PSMD2: variants seen among roughly 807,000 people sequenced by gnomAD.
The protein encoded by PSMD2 is proteasome 26S subunit ubiquitin receptor, non-ATPase 2, also known as 26S proteasome non-ATPase regulatory subunit 2.
A neutral mutation model predicts 101.5 loss-of-function variants in PSMD2; 8 were observed. That is an observed-to-expected ratio of 0.08 (90% confidence interval 0.05 to 0.14). The LOEUF is 0.14. PSMD2 is among the 10% of genes least tolerant of loss of function. The pLI, the probability that PSMD2 is intolerant of heterozygous loss-of-function variation, is 1.00. For missense variants in PSMD2, 784 were observed against 1,147.4 expected (o/e 0.68, Z 4.58); for synonymous variants, 418 against 433.8 (o/e 0.96, Z 0.45).
rs1161714285 is a variant in PSMD2, at chr3:184,299,292, C to T, written c.26C>T (p.Ala9Val). The change falls in exon 1 of 21, where the codon GCG becomes GTG. Residue 9 changes from alanine (A) to valine (V), a missense_variant. Ala to Val is a moderately conservative substitution (Grantham distance 64). Transcript: ENST00000310118. ...ATGGAGGAGGGAGGCCGGGACAAGGCGCCGGTGCAGCCCCAGCAGTCTCCA... is the reference window on the plus strand; with the variant it reads ...ATGGAGGAGGGAGGCCGGGACAAGGTGCCGGTGCAGCCCCAGCAGTCTCCA... MEEGGRDK[A>V]PVQPQQSPAA... is the part of the protein sequence containing the mutation. The T allele has an allele frequency of 1.5e-6, 2 of 1,369,870 alleles. No homozygotes were observed. Among genetic ancestry groups the T allele is most frequent in the Non-Finnish European group, 1.9e-6 (2 of 1,062,990 alleles). The allele number at this position is 1,369,870 out of a possible 1,614,324, so 84.9% of individuals were successfully genotyped here.
intron 18 of PSMD2, 50 bp downstream of exon 18, chr3:184,307,758 G>T: frequency 6.2e-7 from 1 of 1,606,128 alleles, no homozygotes; most frequent in South Asian, 1.1e-5. Flanking sequence ...TATCTGTGGT[G>T]ATGGAAGGAG....
At chr3:184,300,622 G>A (rs1721609369) in intron 3 of PSMD2, 178 bp downstream of exon 3, 2 of 1,407,868 alleles carry the variant, frequency 1.4e-6, no homozygotes, top group African/African-American at 1.5e-5. Context: ...CAGCTTCTCA[G>A]AAGACACTGT....
intron 12 of PSMD2, among the ~76,000 whole-genome samples, chr3:184,305,446 G>A (rs983696496): frequency 6.8e-6 from 1 of 147,454 alleles, no homozygotes; most frequent in African/African-American, 2.5e-5. Flanking sequence ...CCAAAATCGC[G>A]ACACTGCACT....
chr3:184,305,390 G>C (rs896065518), intron 12 of PSMD2, among the ~76,000 whole-genome samples: 3 of 151,888 alleles, frequency 2.0e-5, no homozygotes, highest in African/African-American at 7.3e-5. Context: ...TTGGGAGGCT[G>C]AGGCAGGAGA....
At position 184,307,490 on chromosome 3, in the gene PSMD2, A is replaced by G. The variant is rs1577160848; in HGVS notation, c.2168A>G (p.Tyr723Cys). The change falls in exon 17 of 21, where the codon TAT becomes TGT. Residue 723 changes from tyrosine (Y) to cysteine (C), a missense_variant. By Grantham distance (194) the Tyr-to-Cys change is radical (BLOSUM62 -2). Transcript: ENST00000310118. ...FSHDADPEVS[Y>C]NSIFAMGMVG... Reference sequence around the variant, plus strand: ...CATGATGCTGATCCAGAAGTTTCCTATAACTCCATTTTTGCCATGGGCATG... The same window carrying G: ...CATGATGCTGATCCAGAAGTTTCCTGTAACTCCATTTTTGCCATGGGCATG... 1.2e-6 allele frequency: 2 copies of G among 1,614,214 alleles called. No individual in the cohort carries two copies. The highest frequency in any genetic ancestry group is 1.3e-5 in the African/African-American group (1 of 75,052).
chr3:184,303,129 G>T, intron 8 of PSMD2, 67 bp downstream of exon 8: 1 of 1,557,008 alleles, frequency 6.4e-7, no homozygotes, highest in South Asian at 1.1e-5. Context: ...TGGGAGTGAT[G>T]GCTTGGCCAA....
rs199883033 is a variant in PSMD2 at position 184,307,940 on chromosome 3, C to T, written c.2349C>T (p.Ser783=). 3.7e-6 allele frequency: 6 copies of T among 1,614,104 alleles called. No individual in the cohort carries two copies. Among genetic ancestry groups the T allele is most frequent in the African/African-American group, 2.7e-5 (2 of 75,026 alleles). Residue 783 remains serine (S), a synonymous_variant, in exon 19 of 21, where the codon AGC becomes AGT. Transcript: ENST00000310118. ...CCCTTACCCTCTGCCCCTACCACAG[C>T]GACCGGCAGCTTATGAGCCAGGTGG... ...KGTLTLCPYH[S]DRQLMSQVAV...
intron 3 of PSMD2, 190 bp downstream of exon 3, chr3:184,300,634 T>G (rs930622024): frequency 8.6e-5 from 120 of 1,401,550 alleles, no homozygotes; most frequent in Middle Eastern, 2.6e-4. Context: ...AGACACTGTT[T>G]CTGTCATGTG....
rs1387576766 is a variant in PSMD2, at chr3:184,304,373, T to G, written c.1521T>G (p.Asp507Glu). 6.2e-7 allele frequency: 1 copy of G among 1,614,206 alleles called. No individual in the cohort carries two copies. Among genetic ancestry groups the G allele is most frequent in the South Asian group, 1.1e-5 (1 of 91,090 alleles). The change falls in exon 12 of 21, where the codon GAT becomes GAG. Residue 507 changes from aspartate to glutamate, a missense_variant. By Grantham distance (45) the Asp-to-Glu change is conservative (BLOSUM62 2). Transcript: ENST00000310118. This position sits in a 1 kb window ranked among gnomAD's most constrained non-coding sequence, Gnocchi z 4.1. ...VLTLLLPVMG[D>E]SKSSMEVAGV... ...CACTGCTGCTGCCTGTGATGGGAGA[T>G]TCAAAGTCCAGCATGGAGGTGAGTA... is the stretch of plus-strand genomic sequence containing the variant.
At chr3:184,299,552 G>C in intron 1 of PSMD2, 151 bp downstream of exon 1, 2 of 1,098,426 alleles carry the variant, frequency 1.8e-6, no homozygotes, top group Non-Finnish European at 2.4e-6. Context: ...TTGCCTCTCT[G>C]CTCCTCATTC....
At position 184,301,582 on chromosome 3, in the gene PSMD2, G is replaced by T; in HGVS notation, c.403G>T (p.Gly135Trp). Reference protein sequence around the residue: ...IISVLAMTMSGERECLKYRLV... With the variant: ...IISVLAMTMSWERECLKYRLV... The stretch of plus-strand genomic sequence containing the variant: ...CTCCGTTTTGGCCATGACCATGAGT[G>T]GGGAGCGTGAGTGCCTCAAGTATCG... The change falls in exon 4 of 21, where the codon GGG becomes TGG. Residue 135 changes from glycine to tryptophan, a missense_variant. Gly to Trp is a radical substitution (Grantham distance 184). This residue lies in a region of PSMD2 where 196 missense variants were observed against 182.4 expected (regional missense o/e 1.07). Transcript: ENST00000310118. 1.2e-6 allele frequency: 2 copies of T among 1,614,062 alleles called. No homozygotes were observed. Among genetic ancestry groups the T allele is most frequent in the Non-Finnish European group, 8.5e-7 (1 of 1,179,964 alleles).
chr3:184,303,414 C>T lies in PSMD2; in HGVS notation c.1164C>T (p.Asp388=), dbSNP rs777452519. Residue 388 remains aspartate, a synonymous_variant, in exon 9 of 21, where the codon GAC becomes GAT. Coordinates refer to ENST00000310118, the MANE Select transcript of PSMD2 (RefSeq NM_002808.5). ...NGFVNAAFGQ[D]KLLTDDGNKW... ...TTGTGAATGCAGCTTTTGGCCAAGA[C>T]AAGCTGCTAACAGATGATGGCAACA... The T allele has an allele frequency of 2.5e-6, 4 of 1,614,072 alleles. No individual in the cohort carries two copies. The highest frequency in any genetic ancestry group is 1.7e-5 in the Admixed American group (1 of 60,000).
At chr3:184,307,849 A>G (rs1032372703) in intron 18 of PSMD2, 41 bp from the exon 19 acceptor site, 1 of 1,613,512 alleles carries the variant, frequency 6.2e-7, no homozygotes, top group African/African-American at 1.3e-5. Flanking sequence ...ATGTCTCCTC[A>G]GTGGTAACTC....
At position 184,308,104 on chromosome 3, in the gene PSMD2, A is replaced by G; in HGVS notation, c.2425+88A>G. On this transcript the variant is annotated intron_variant, in intron 19 of 20. Coordinates refer to ENST00000310118, the MANE Select transcript of PSMD2 (RefSeq NM_002808.5). The surrounding 1 kb of genome is among the most constrained non-coding windows in gnomAD (Gnocchi z 6.0). ...GCCACTTTGATAATTTAGGTTCAAG[A>G]CCCCAGTTTAGCTCTGTATCGCTCT... The G allele has an allele frequency of 6.5e-7, 1 of 1,531,962 alleles. No homozygotes were observed. The highest frequency in any genetic ancestry group is 8.8e-7 in the Non-Finnish European group (1 of 1,131,240). The allele number at this position is 1,531,962 out of a possible 1,614,324, so 94.9% of individuals were successfully genotyped here.
rs1481336662 is a variant in PSMD2, at chr3:184,307,718, A to G, written c.2298+10A>G. 2 of 1,613,290 alleles carry G rather than the reference A, an allele frequency of 1.2e-6. No homozygotes were observed. Among genetic ancestry groups the G allele is most frequent in the Non-Finnish European group, 1.7e-6 (2 of 1,179,316 alleles). On this transcript the variant is annotated intron_variant, in intron 18 of 20. Transcript: ENST00000310118. ...GGTGCGCTTGGCACAGGTAAAGAAT[A>G]GAACTCCTCCACAGAGCGTGCCGGG... is the stretch of plus-strand genomic sequence containing the variant.
chr3:184,300,306 A>G lies in PSMD2; in HGVS notation c.219A>G (p.Pro73=), dbSNP rs758477465. The change falls in exon 3 of 21, where the codon CCA becomes CCG. Residue 73 remains proline (P), a synonymous_variant. Coordinates refer to ENST00000310118, the MANE Select transcript of PSMD2 (RefSeq NM_002808.5). The part of the protein sequence containing the change: ...LGEKDTSLYR[P]ALEELRRQIR... ...AGAAGGATACATCCCTGTATCGACC[A>G]GCGCTGGAGGAATTGCGAAGGCAGA... 47 of 1,613,800 alleles carry G rather than the reference A, an allele frequency of 2.9e-5. No homozygotes were observed. The highest frequency in any genetic ancestry group is 3.8e-5 in the Non-Finnish European group (45 of 1,179,824).
chr3:184,303,035 A>G lies in PSMD2; in HGVS notation c.1042A>G (p.Ile348Val). The G allele has an allele frequency of 1.2e-6, 2 of 1,614,106 alleles. No homozygotes were observed. Among genetic ancestry groups the G allele is most frequent in the Non-Finnish European group, 1.7e-6 (2 of 1,180,012 alleles). ...CATGGAGCCCAAGGTGCCTGATGAC[A>G]TCTACAAAACCCACCTAGAGAACAA... ...DIMEPKVPDD[I>V]YKTHLENNRF... Residue 348 changes from isoleucine (I) to valine (V), a missense_variant, in exon 8 of 21, where the codon ATC (isoleucine) becomes GTC (valine). Around this residue, in one of 6 missense-constraint regions of PSMD2, gnomAD observed 208 missense variants for 301.6 expected, o/e 0.69. Coordinates refer to ENST00000310118, the MANE Select transcript of PSMD2 (RefSeq NM_002808.5).
At chr3:184,306,886 T>A (rs1403646498) in intron 16 of PSMD2, 52 bp downstream of exon 16, 1 of 1,444,936 alleles carries the variant, frequency 6.9e-7, no homozygotes, top group Non-Finnish European at 9.6e-7. Flanking sequence ...TGGCCTGGGG[T>A]TCCCCAGGGA....
intron 15 of PSMD2, 118 bp downstream of exon 15, chr3:184,306,613 C>T (rs1282660917): frequency 2.0e-6 from 3 of 1,530,292 alleles, no homozygotes; most frequent in African/African-American, 1.4e-5. Flanking sequence ...ATTGAAATAG[C>T]GTGTGACTGG....
Sources: allele counts gnomAD v4.1 joint callset (sites outside exome capture counted in the v4.1 genomes callset), GRCh38; gene constraint gnomAD v4.1.1; regional missense constraint gnomAD v4.1.1; non-coding constraint Gnocchi (gnomAD v3.1); transcripts MANE v1.5; gene names NCBI Gene and HGNC (gene_info 2026-07-23, HGNC 2026-07-21).